The following GUCY2F variants were observed in gnomAD, a reference collection of about 807,000 sequenced individuals.
The protein encoded by GUCY2F is retinal guanylyl cyclase 2.
A neutral mutation model predicts 73.1 loss-of-function variants in GUCY2F; 61 were observed. That is an observed-to-expected ratio of 0.83 (90% CI 0.68 to 1.03). The LOEUF (loss-of-function observed/expected upper bound fraction) is 1.03, where lower values mean the gene tolerates loss of function less well. Among genes scored for constraint, GUCY2F ranks in the 50% least tolerant of loss-of-function variants. The probability of loss-of-function intolerance (pLI) is 0.00; values close to 1 mark genes in which losing one functional copy is unlikely to be tolerated. For missense variants in GUCY2F, 912 were observed against 854.3 expected (o/e 1.07, Z -0.84); for synonymous variants, 331 against 307.8 (o/e 1.08, Z -0.79).
intron 3 of GUCY2F, among the ~76,000 whole-genome samples, chrX:109,458,274 A>T (rs1932297714): frequency 8.9e-6 from 1 of 112,324 alleles, no homozygotes; most frequent in South Asian, 3.7e-4. Context: ...TGGTTAAATG[A>T]TCAGGATCTG....
intron 15 of GUCY2F, among the ~76,000 whole-genome samples, chrX:109,388,061 A>G (rs1930476305): frequency 9.0e-6 from 1 of 110,999 alleles, no homozygotes; most frequent in Non-Finnish European, 1.9e-5. Flanking sequence ...TGGGGGAAGG[A>G]AAGGAGCCTA....
chrX:109,405,198 TTAAC>T (rs1052789551), intron 9 of GUCY2F, among the ~76,000 whole-genome samples: 2 of 111,893 alleles, frequency 1.8e-5, no homozygotes, highest in African/African-American at 6.5e-5. Context: ...GCATGTATAT[TTAAC>T]AAACAAAAAA....
At chrX:109,387,438 T>C (rs1930462349) in intron 15 of GUCY2F, among the ~76,000 whole-genome samples, 1 of 111,961 alleles carries the variant, frequency 8.9e-6, no homozygotes, top group African/African-American at 3.2e-5. Context: ...TGTGGAACAT[T>C]CAGGTGGGCA....
chrX:109,477,911 G>A (rs1349965595), intron 1 of GUCY2F, among the ~76,000 whole-genome samples: 2 of 111,784 alleles, frequency 1.8e-5, no homozygotes, highest in Admixed American at 9.4e-5. Flanking sequence ...CCCAACATTC[G>A]TATATTGGTG....
chrX:109,453,097 G>GT (rs1932171070), intron 4 of GUCY2F, among the ~76,000 whole-genome samples: 1 of 111,705 alleles, frequency 9.0e-6, no homozygotes, highest in South Asian at 3.8e-4. Flanking sequence ...TATAGGTACG[G>GT]TATTTCTGTG....
intron 8 of GUCY2F, among the ~76,000 whole-genome samples, chrX:109,419,320 C>T (rs1414160060): frequency 9.0e-6 from 1 of 110,621 alleles, no homozygotes; most frequent in East Asian, 2.8e-4. Context: ...CAAATATCGT[C>T]TAGCAATATA....
intron 6 of GUCY2F, among the ~76,000 whole-genome samples, chrX:109,444,372 A>G (rs896229112): frequency 3.6e-5 from 4 of 112,398 alleles, no homozygotes; most frequent in African/African-American, 1.3e-4. Context: ...TCAATTTCAC[A>G]TTCAGGCAGA....
intron 7 of GUCY2F, among the ~76,000 whole-genome samples, chrX:109,435,030 C>A (rs1236129277): frequency 9.1e-6 from 1 of 110,195 alleles, no homozygotes; most frequent in Non-Finnish European, 1.9e-5. Flanking sequence ...GTTACTGTAG[C>A]CTTGTAGGAT....
At chrX:109,436,959 G>GA (rs755759432) in intron 7 of GUCY2F, among the ~76,000 whole-genome samples, 1 of 93,037 alleles carries the variant, frequency 1.1e-5, no homozygotes, top group African/African-American at 4.0e-5. Context: ...GAAAAAAGAA[G>GA]AAAAAAAAGA....
At position 109,422,412 on chromosome X, in the gene GUCY2F, T is replaced by C. The variant is rs73530221; in HGVS notation, c.1791+7895A>G. Among the ~76,000 whole-genome samples, 553 of 110,355 alleles carry C rather than the reference T, an allele frequency of 5.0e-3. 2 individuals carry two copies. The highest frequency in any genetic ancestry group is 0.017 in the African/African-American group (521 of 30,508). ...ACTTCAAGAAGAAGGAAATGGAGAG[T>C]TGTTTAATGGGTACAGAAATTCAGT... On this transcript the variant is annotated intron_variant, in intron 8 of 19. Transcript: ENST00000218006.
chrX:109,452,864 G>A (rs1242497469), intron 4 of GUCY2F, among the ~76,000 whole-genome samples: 1 of 111,684 alleles, frequency 9.0e-6, no homozygotes, highest in Admixed American at 9.5e-5. Context: ...AGCTAGAGGA[G>A]TTCCACCAGT....
intron 7 of GUCY2F, among the ~76,000 whole-genome samples, chrX:109,440,489 T>TA (rs1931843727): frequency 9.2e-6 from 1 of 109,209 alleles, no homozygotes; most frequent in African/African-American, 3.6e-5. Context: ...AGTATTCACT[T>TA]GAAAAATCCA....
intron 6 of GUCY2F, among the ~76,000 whole-genome samples, chrX:109,442,749 T>C (rs1931904376): frequency 9.0e-6 from 1 of 111,334 alleles, no homozygotes; most frequent in Non-Finnish European, 1.9e-5. Context: ...AGACAAGATG[T>C]AAAACTTGAC....
chrX:109,450,030 G>A (rs1932103611), intron 5 of GUCY2F, among the ~76,000 whole-genome samples: 1 of 111,271 alleles, frequency 9.0e-6, no homozygotes, highest in Admixed American at 9.6e-5. Context: ...GATTGCAGCC[G>A]TGGTGGGCAG....
At position 109,453,582 on chromosome X, in the gene GUCY2F, G is replaced by T; in HGVS notation, c.1310C>A (p.Pro437His). ...EMELLRFGGTPIHFPGGRPPR... is the reference protein window; with the variant it reads ...EMELLRFGGTHIHFPGGRPPR... ...GGGCCTGCCACCAGGGAAGTGAATA[G>T]GGGTCCCTCCGAAACGTAGCAGCTC... Residue 437 changes from proline to histidine, a missense_variant, in exon 4 of 20, where the codon CCT (proline) becomes CAT (histidine). Transcript: ENST00000218006. 2 of 1,209,790 alleles carry T rather than the reference G, an allele frequency of 1.7e-6. No homozygotes were observed. Among genetic ancestry groups the T allele is most frequent in the Admixed American group, 4.3e-5 (2 of 45,985 alleles).
chrX:109,374,512 G>T (rs776692590), intron 19 of GUCY2F, among the ~76,000 whole-genome samples: 1 of 112,052 alleles, frequency 8.9e-6, no homozygotes, highest in Non-Finnish European at 1.9e-5. Context: ...ATTTTCTGCT[G>T]CAAACTCCAA....
Position 109,395,378 on chromosome X carries a change from G to A in GUCY2F, c.2387C>T (p.Ala796Val), listed in dbSNP as rs1020111907. ...QLMKQCWAEA[A>V]EQRPTFDEIF... ...TTCATCAAAAGTTGGTCGTTGTTCT[G>A]CAGCCTCAGCCCAGCACTGCTTCAT... The change falls in exon 12 of 20, where the codon GCA (alanine) becomes GTA (valine). Residue 796 changes from alanine to valine, a missense_variant. Ala to Val is a moderately conservative substitution (Grantham distance 64). Coordinates refer to ENST00000218006, the MANE Select transcript of GUCY2F (RefSeq NM_001522.3). 9 of 1,205,275 alleles carry A rather than the reference G, an allele frequency of 7.5e-6. No individual in the cohort carries two copies. The African/African-American group carries it at 1.4e-4, about 19-fold the overall frequency.
chrX:109,378,208 T>C (rs1369808068), intron 17 of GUCY2F, among the ~76,000 whole-genome samples: 1 of 111,569 alleles, frequency 9.0e-6, no homozygotes, highest in Non-Finnish European at 1.9e-5. Context: ...ATTAATCTCA[T>C]TCTGCGAATG....
At chrX:109,466,589 G>A (rs1284666899) in intron 2 of GUCY2F, among the ~76,000 whole-genome samples, 1 of 111,526 alleles carries the variant, frequency 9.0e-6, no homozygotes, top group African/African-American at 3.3e-5. Flanking sequence ...TTTAGTTTAA[G>A]CCCACTTGTG....
Sources: gnomAD v4.1 joint callset for allele counts (sites outside exome capture counted in the v4.1 genomes callset) on GRCh38, gnomAD v4.1.1 for gene constraint, MANE v1.5 for transcripts, NCBI Gene and HGNC (gene_info 2026-07-23, HGNC 2026-07-21) for gene names.